The following SIPA1L1 variants were observed in gnomAD, a reference collection of about 807,000 sequenced individuals.
SIPA1L1 encodes signal-induced proliferation-associated 1-like protein 1.
Under a neutral mutation model 162.7 loss-of-function variants are expected in SIPA1L1, and 26 were observed. The ratio of observed to expected loss-of-function variants is 0.16; its 90% CI spans 0.12 to 0.22. The LOEUF (loss-of-function observed/expected upper bound fraction) is 0.22. Among genes scored for constraint, SIPA1L1 ranks in the 10% least tolerant of loss-of-function variants. The probability of loss-of-function intolerance (pLI) is 1.00; values close to 1 mark genes in which losing one functional copy is unlikely to be tolerated. For synonymous variants in SIPA1L1, 829 were observed against 837.4 expected, an observed-to-expected ratio of 0.99 and a Z score of 0.17; for missense variants, 1,874 against 2,241.0, an observed-to-expected ratio of 0.84 and a Z score of 3.31.
chr14:71,740,609 C>G lies in SIPA1L1; in HGVS notation c.*1448C>G, dbSNP rs918055180. ...TCTCAATTCCTTCCTCTCTCCATCCCTGAAAGAAACAGGATGGATTTTCCT... is the reference window on the plus strand; with the variant it reads ...TCTCAATTCCTTCCTCTCTCCATCCGTGAAAGAAACAGGATGGATTTTCCT... On this transcript the variant is annotated 3_prime_UTR_variant, in exon 24 of 24. Coordinates refer to ENST00000381232, the MANE Select transcript of SIPA1L1 (RefSeq NM_001386936.1). The G allele has an allele frequency of 6.6e-6, 1 of 152,222 alleles. No individual in the cohort carries two copies. Among genetic ancestry groups the G allele is most frequent in the African/African-American group, 2.4e-5 (1 of 41,448 alleles). The allele number at this position is 152,222 out of a possible 1,614,324, so 9.4% of individuals were successfully genotyped here. A position where few individuals can be genotyped will look rare whatever the true frequency, so the allele number is the denominator to read the frequency against.
At chr14:71,515,615 A>C in intron 3 of SIPA1L1, among the ~76,000 whole-genome samples, 1 of 152,208 alleles carries the variant, frequency 6.6e-6, no homozygotes, top group South Asian at 2.1e-4. Context: ...AATATGGTCC[A>C]TAATATTCTA....
intron 4 of SIPA1L1, among the ~76,000 whole-genome samples, chr14:71,533,409 C>A (rs2053619466): frequency 6.6e-5 from 10 of 152,126 alleles, no homozygotes; most frequent in Admixed American, 6.5e-4. Context: ...GCTGTGTCTG[C>A]TCTAAAAAGG....
intron 2 of SIPA1L1, among the ~76,000 whole-genome samples, chr14:71,436,536 A>T (rs1014827932): frequency 1.3e-5 from 2 of 152,064 alleles, no homozygotes; most frequent in African/African-American, 2.4e-5. Context: ...GTCACATTTT[A>T]TCTTATCAAA....
Position 71,486,431 on chromosome 14 carries a change from G to A in SIPA1L1, c.-464-26312G>A, listed in dbSNP as rs888660757. ...GCAAGAGGAGGGGAAAGGAAAACAG[G>A]CAAATGAGACTTTCTGGAATCTCTA... On this transcript the variant is annotated intron_variant, in intron 2 of 23. Transcript: ENST00000381232. 1.1e-4 allele frequency among the ~76,000 whole-genome samples: 16 copies of A among 152,328 alleles called. No individual in the cohort carries two copies. In the East Asian group the frequency reaches 2.7e-3, roughly 26 times the overall value.
intron 2 of SIPA1L1, among the ~76,000 whole-genome samples, chr14:71,360,841 T>G (rs2037741171): frequency 6.6e-6 from 1 of 152,192 alleles, no homozygotes; most frequent in Admixed American, 6.5e-5. Context: ...TAGAGGAAAT[T>G]AATGATAGCA....
chr14:71,421,189 T>G (rs1312477326), intron 2 of SIPA1L1, among the ~76,000 whole-genome samples: 1 of 152,228 alleles, frequency 6.6e-6, no homozygotes, highest in African/African-American at 2.4e-5. Flanking sequence ...ACTTAACGAT[T>G]GAATGAGGAC....
At chr14:71,402,766 T>G (rs1402470386) in intron 2 of SIPA1L1, among the ~76,000 whole-genome samples, 1 of 152,208 alleles carries the variant, frequency 6.6e-6, no homozygotes, top group African/African-American at 2.4e-5. Flanking sequence ...CCTGGCATAT[T>G]GGAGACACTA....
intron 3 of SIPA1L1, among the ~76,000 whole-genome samples, chr14:71,524,453 T>C (rs1026358014): frequency 2.0e-5 from 3 of 152,252 alleles, no homozygotes; most frequent in Admixed American, 6.5e-5. Context: ...TGGTTCTAAA[T>C]GTCAAAACTA....
At chr14:71,505,516 T>C (rs1382795900) in intron 2 of SIPA1L1, among the ~76,000 whole-genome samples, 1 of 152,004 alleles carries the variant, frequency 6.6e-6, no homozygotes, top group Non-Finnish European at 1.5e-5. Context: ...ATCTACTTTA[T>C]TATTAAAATA....
chr14:71,380,518 T>C (rs562593031), intron 2 of SIPA1L1, among the ~76,000 whole-genome samples: 2 of 152,386 alleles, frequency 1.3e-5, no homozygotes, highest in African/African-American at 4.8e-5. Context: ...GAAGAAGTTA[T>C]ATCCTGGGAT....
chr14:71,624,405 A>T (rs2039758842), intron 7 of SIPA1L1, among the ~76,000 whole-genome samples, 169 bp downstream of exon 7: 1 of 152,224 alleles, frequency 6.6e-6, no homozygotes, highest in Admixed American at 6.5e-5. Context: ...TGAACTCTGA[A>T]CATTTCTCAT....
chr14:71,528,674 C>A (rs1216365271), intron 3 of SIPA1L1: 1 of 152,018 alleles, frequency 6.6e-6, no homozygotes, highest in Non-Finnish European at 1.5e-5. Flanking sequence ...AATAATAATT[C>A]TATTTTTTCC....
At chr14:71,450,395 C>A (rs1215903002) in intron 2 of SIPA1L1, among the ~76,000 whole-genome samples, 1 of 152,096 alleles carries the variant, frequency 6.6e-6, no homozygotes, top group Non-Finnish European at 1.5e-5. Context: ...TTGTAATAAA[C>A]CTGTTCATTA....
chr14:71,474,938 G>A (rs2047732015), intron 2 of SIPA1L1, among the ~76,000 whole-genome samples: 1 of 152,200 alleles, frequency 6.6e-6, no homozygotes, highest in African/African-American at 2.4e-5. Flanking sequence ...GTAGGTGTGT[G>A]TGCATGTGTG....
chr14:71,653,524 C>A (rs2042803557), intron 8 of SIPA1L1, among the ~76,000 whole-genome samples: 1 of 152,118 alleles, frequency 6.6e-6, no homozygotes, highest in South Asian at 2.1e-4. Flanking sequence ...TTGGCTTCCC[C>A]CTTCAGTACC....
At chr14:71,413,262 A>G (rs909280091) in intron 2 of SIPA1L1, among the ~76,000 whole-genome samples, 7 of 152,244 alleles carry the variant, frequency 4.6e-5, no homozygotes, top group Non-Finnish European at 1.0e-4. Context: ...AGTGATTCCC[A>G]TAGGCATGTG....
intron 12 of SIPA1L1, among the ~76,000 whole-genome samples, chr14:71,674,473 A>G (rs930972800): frequency 3.3e-5 from 5 of 152,214 alleles, no homozygotes; most frequent in African/African-American, 4.8e-5. Flanking sequence ...AGGCCCTGAA[A>G]AAAGCACTTT....
intron 4 of SIPA1L1, among the ~76,000 whole-genome samples, chr14:71,569,510 ATTC>A (rs764511858): frequency 8.5e-5 from 13 of 152,350 alleles, no homozygotes; most frequent in Non-Finnish European, 1.8e-4. Context: ...AAGTGGAACC[ATTC>A]TTCTTCAGAG....
chr14:71,594,975 G>A (rs1424375654), intron 5 of SIPA1L1, among the ~76,000 whole-genome samples: 6 of 152,130 alleles, frequency 3.9e-5, no homozygotes, highest in Non-Finnish European at 7.3e-5. Context: ...GAAAGCAGAG[G>A]TCCTCTCTTT....
Sources: allele counts gnomAD v4.1 joint callset (sites outside exome capture counted in the v4.1 genomes callset), GRCh38; gene constraint gnomAD v4.1.1; transcripts MANE v1.5; gene names NCBI Gene and HGNC (gene_info 2026-07-23, HGNC 2026-07-21).